Variants in EIPR1 observed in about 807,000 individuals in gnomAD.
EIPR1 encodes the protein EARP complex and GARP complex interacting protein 1.
In EIPR1, 25 loss-of-function variants were observed where a neutral mutation model predicts 48.1. The ratio of observed to expected loss-of-function variants is 0.52; its 90% CI spans 0.38 to 0.73. The LOEUF is 0.73. Ranked by LOEUF, EIPR1 falls within the 30% of genes least tolerant of loss-of-function variation. The probability of loss-of-function intolerance (pLI) is 0.00; values close to 1 mark genes in which losing one functional copy is unlikely to be tolerated. For missense variants in EIPR1, 415 were observed against 506.2 expected (o/e 0.82, Z 1.73); for synonymous variants, 204 against 201.9 (o/e 1.01, Z -0.09).
rs1391182654 is a variant in EIPR1 at position 3,189,754 on chromosome 2, C to A, written c.990-246G>T. Among the ~76,000 whole-genome samples, 1 of 152,128 alleles carries A rather than the reference C, an allele frequency of 6.6e-6. No homozygotes were observed. Among genetic ancestry groups the A allele is most frequent in the South Asian group, 2.1e-4 (1 of 4,826 alleles). ...CATTTCTCAAAAGGTTTATGGAAAT[C>A]GGCGACATTGGCACATGGTGTCTTG... On this transcript the variant is annotated intron_variant, in intron 8 of 8. Transcript: ENST00000382125. This position sits in a 1 kb window ranked among gnomAD's most constrained non-coding sequence, Gnocchi z 4.6.
At chr2:3,280,251 C>G (rs530051893) in intron 3 of EIPR1, among the ~76,000 whole-genome samples, 33 of 152,232 alleles carry the variant, frequency 2.2e-4, no homozygotes, top group Non-Finnish European at 1.0e-4. Context: ...TGCAAAGCAC[C>G]GTGGTGGTTA....
intron 3 of EIPR1, among the ~76,000 whole-genome samples, chr2:3,307,534 G>A (rs1311285224): frequency 1.3e-5 from 2 of 152,192 alleles, no homozygotes; most frequent in Admixed American, 1.3e-4. Flanking sequence ...GCAGCACCAG[G>A]CAGCCAGGAA....
At chr2:3,234,930 C>G (rs1032383494) in intron 4 of EIPR1, among the ~76,000 whole-genome samples, 1 of 152,230 alleles carries the variant, frequency 6.6e-6, no homozygotes, top group African/African-American at 2.4e-5. Flanking sequence ...GTGGCCACAT[C>G]CCTAATCTGT....
intron 3 of EIPR1, among the ~76,000 whole-genome samples, chr2:3,325,481 T>G (rs1484582761): frequency 6.6e-6 from 1 of 152,124 alleles, no homozygotes; most frequent in Non-Finnish European, 1.5e-5. Flanking sequence ...CGGGCCACCT[T>G]CCACTCGAGG....
At chr2:3,216,981 T>C (rs1444480815) in intron 4 of EIPR1, among the ~76,000 whole-genome samples, 1 of 152,226 alleles carries the variant, frequency 6.6e-6, no homozygotes. Context: ...AAGAGCAGCA[T>C]CTTCAAGCCC....
At chr2:3,326,662 C>G (rs1209016841) in intron 3 of EIPR1, among the ~76,000 whole-genome samples, 1 of 152,186 alleles carries the variant, frequency 6.6e-6, no homozygotes, top group African/African-American at 2.4e-5. Flanking sequence ...TTCCGCGTCA[C>G]ACACATTTCA....
intron 3 of EIPR1, among the ~76,000 whole-genome samples, chr2:3,291,236 G>A (rs1038775243): frequency 6.6e-6 from 1 of 152,206 alleles, no homozygotes; most frequent in Non-Finnish European, 1.5e-5. Flanking sequence ...CAATTCTGTT[G>A]TAATTAGGAC....
intron 4 of EIPR1, among the ~76,000 whole-genome samples, chr2:3,223,280 C>T (rs1665955951): frequency 6.6e-6 from 1 of 152,144 alleles, no homozygotes; most frequent in Non-Finnish European, 1.5e-5. Flanking sequence ...GGTCCTTTCC[C>T]GTGGCAGCCT....
intron 3 of EIPR1, among the ~76,000 whole-genome samples, chr2:3,283,765 G>A (rs1027780950): frequency 6.6e-6 from 1 of 152,098 alleles, no homozygotes; most frequent in African/African-American, 2.4e-5. Flanking sequence ...CCAACATGGT[G>A]AAATCCCATC....
chr2:3,231,747 A>T (rs1422782132), intron 4 of EIPR1, among the ~76,000 whole-genome samples: 3 of 152,214 alleles, frequency 2.0e-5, no homozygotes, highest in Admixed American at 2.0e-4. Flanking sequence ...CTAATATTTT[A>T]TCGAGGACTT....
intron 1 of EIPR1, among the ~76,000 whole-genome samples, chr2:3,365,461 G>C (rs1022082541): frequency 1.3e-5 from 2 of 150,814 alleles, no homozygotes; most frequent in African/African-American, 4.9e-5. Context: ...AACAGAGCAA[G>C]ACCTTGTCTC....
At chr2:3,273,437 C>G (rs1408856457) in intron 3 of EIPR1, among the ~76,000 whole-genome samples, 1 of 152,168 alleles carries the variant, frequency 6.6e-6, no homozygotes, top group East Asian at 1.9e-4. Context: ...TCTGCAAAAA[C>G]ACAGGCTCCT....
At chr2:3,323,541 C>T (rs1188794326) in intron 3 of EIPR1, among the ~76,000 whole-genome samples, 1 of 152,208 alleles carries the variant, frequency 6.6e-6, no homozygotes, top group Non-Finnish European at 1.5e-5. Flanking sequence ...CACAGGTCCA[C>T]GATGGACATG....
At chr2:3,305,925 T>A (rs1214618533) in intron 3 of EIPR1, among the ~76,000 whole-genome samples, 1 of 150,916 alleles carries the variant, frequency 6.6e-6, no homozygotes, top group African/African-American at 2.4e-5. Context: ...CCTTGTTACA[T>A]ATTACCATCA....
intron 4 of EIPR1, among the ~76,000 whole-genome samples, chr2:3,238,039 C>T (rs114690568): frequency 4.6e-5 from 7 of 152,304 alleles, no homozygotes; most frequent in African/African-American, 1.7e-4. Context: ...CACCCAAATG[C>T]CAACAGCCTC....
At chr2:3,240,698 A>C (rs1572343405) in intron 4 of EIPR1, among the ~76,000 whole-genome samples, 1 of 52,714 alleles carries the variant, frequency 1.9e-5, no homozygotes, top group Admixed American at 2.4e-4. Flanking sequence ...TCCTAAAGCA[A>C]AGCCAGCAGA....
intron 4 of EIPR1, among the ~76,000 whole-genome samples, chr2:3,226,891 G>A (rs1666082126): frequency 6.6e-6 from 1 of 152,222 alleles, no homozygotes; most frequent in Non-Finnish European, 1.5e-5. Flanking sequence ...TCTCTTGCCT[G>A]CTGCCATGTA....
At chr2:3,339,639 A>G (rs1190352725) in intron 2 of EIPR1, among the ~76,000 whole-genome samples, 1 of 152,156 alleles carries the variant, frequency 6.6e-6, no homozygotes, top group African/African-American at 2.4e-5. Context: ...TTCTCCTGAG[A>G]CCTGGTCATT....
intron 3 of EIPR1, among the ~76,000 whole-genome samples, chr2:3,269,570 C>A (rs1667628244): frequency 2.3e-5 from 2 of 87,256 alleles, no homozygotes; most frequent in African/African-American, 1.1e-4. Flanking sequence ...AGTCATCGCA[C>A]TCAGTCATCG....
Sources: gnomAD v4.1 joint callset for allele counts (sites outside exome capture counted in the v4.1 genomes callset) on GRCh38, gnomAD v4.1.1 for gene constraint, Gnocchi (gnomAD v3.1) non-coding constraint, MANE v1.5 for transcripts, NCBI Gene and HGNC (gene_info 2026-07-23, HGNC 2026-07-21) for gene names.